The following SBF2 variants were observed in gnomAD, a reference collection of about 807,000 sequenced individuals.
SBF2 encodes myotubularin-related protein 13.
Under a neutral mutation model 225.2 loss-of-function variants are expected in SBF2, and 112 were observed. The observed-to-expected ratio is 0.50, with a 90% CI of 0.43 to 0.58. The LOEUF (loss-of-function observed/expected upper bound fraction) is 0.58, where lower values mean the gene tolerates loss of function less well. Ranked by LOEUF, SBF2 falls within the 20% of genes least tolerant of loss-of-function variation. SBF2 has a pLI of 0.00. For missense variants in SBF2, 1,996 were observed against 2,206.2 expected, an observed-to-expected ratio of 0.90 and a Z score of 1.91; for synonymous variants, 763 against 773.3, an observed-to-expected ratio of 0.99 and a Z score of 0.22.
intron 1 of SBF2, among the ~76,000 whole-genome samples, chr11:10,264,537 T>C (rs1961756619): frequency 6.6e-6 from 1 of 152,144 alleles, no homozygotes; most frequent in African/African-American, 2.4e-5. Context: ...ACAAAAAAAA[T>C]GAGCAGAAAA....
intron 12 of SBF2, among the ~76,000 whole-genome samples, chr11:9,991,684 C>T (rs1333215388): frequency 2.0e-5 from 3 of 152,112 alleles, no homozygotes; most frequent in African/African-American, 7.2e-5. Context: ...AAAAAGAGCA[C>T]AATAAATGCA....
In SBF2 at chr11:9,858,254, T is replaced by G; in HGVS notation, c.2072A>C (p.Asp691Ala). 6.2e-7 allele frequency: 1 copy of G among 1,614,210 alleles called. No individual in the cohort carries two copies. The highest frequency in any genetic ancestry group is 8.5e-7 in the Non-Finnish European group (1 of 1,180,028). Residue 691 changes from aspartate (D) to alanine (A), a missense_variant, in exon 18 of 40, where the codon GAC (aspartate) becomes GCC (alanine). By Grantham distance (126) the Asp-to-Ala change is moderately radical (BLOSUM62 -2). Coordinates refer to ENST00000256190, the MANE Select transcript of SBF2 (RefSeq NM_030962.4). ...TTGCTTCAGATGCGGGGCATGATTG[T>G]CTTCCTTGGCTGAGAGATAAAGGGA... ...VRSLYLSAKE[D>A]NHAPHLKQKD...
intron 32 of SBF2, among the ~76,000 whole-genome samples, chr11:9,805,378 T>C: frequency 6.6e-6 from 1 of 152,190 alleles, no homozygotes; most frequent in Non-Finnish European, 1.5e-5. Flanking sequence ...CTTTTTACTG[T>C]TGAGTAGTCG....
chr11:10,015,145 A>G (rs892223371), intron 6 of SBF2, among the ~76,000 whole-genome samples: 1 of 152,112 alleles, frequency 6.6e-6, no homozygotes, highest in Non-Finnish European at 1.5e-5. Flanking sequence ...CTCAATAATA[A>G]TAATAATAAA....
chr11:9,967,959 CTCTCTCTCTCTCTATA>C (rs1404569055), intron 14 of SBF2, among the ~76,000 whole-genome samples: 1,674 of 111,740 alleles, frequency 0.015, 19 homozygotes, highest in African/African-American at 0.038. Flanking sequence ...CTCTCTCTCT[CTCTCTCTCTCTCTATA>C]TATATATATA....
intron 1 of SBF2, among the ~76,000 whole-genome samples, chr11:10,261,715 A>C (rs1037839754): frequency 4.6e-5 from 7 of 152,228 alleles, no homozygotes; most frequent in Non-Finnish European, 1.0e-4. Flanking sequence ...CAAACACTGG[A>C]AACAGTCCGG....
chr11:10,240,087 T>G (rs1565390915), intron 1 of SBF2, among the ~76,000 whole-genome samples: 1 of 152,084 alleles, frequency 6.6e-6, no homozygotes, highest in African/African-American at 2.4e-5. Flanking sequence ...AGAAGAAAGA[T>G]TCTGCAATGT....
intron 2 of SBF2, among the ~76,000 whole-genome samples, chr11:10,173,715 G>T (rs1956324944): frequency 6.6e-6 from 1 of 151,670 alleles, no homozygotes; most frequent in Non-Finnish European, 1.5e-5. Flanking sequence ...GCAGGGCACA[G>T]ACAAACAAAA....
chr11:10,168,122 C>T (rs1236544012), intron 2 of SBF2, among the ~76,000 whole-genome samples: 2 of 152,162 alleles, frequency 1.3e-5, no homozygotes, highest in African/African-American at 4.8e-5. Context: ...AATTTACTAA[C>T]ATTATGGTTA....
chr11:9,931,078 C>T (rs549768792), intron 16 of SBF2, among the ~76,000 whole-genome samples: 4 of 152,248 alleles, frequency 2.6e-5, no homozygotes, highest in African/African-American at 2.4e-5. Flanking sequence ...CTGCAGCTTG[C>T]GTAGGTAAAC....
upstream of SBF2, among the ~76,000 whole-genome samples, chr11:10,296,653 G>C (rs1964552500): frequency 6.6e-6 from 1 of 152,080 alleles, no homozygotes; most frequent in African/African-American, 2.4e-5. Context: ...CATATGGGTT[G>C]TTTCCACCTT....
At chr11:9,859,917 C>G (rs1271615624) in intron 17 of SBF2, among the ~76,000 whole-genome samples, 2 of 152,198 alleles carry the variant, frequency 1.3e-5, no homozygotes, top group African/African-American at 4.8e-5. Context: ...AGGTAACTGG[C>G]TATAACCTCA....
intron 2 of SBF2, among the ~76,000 whole-genome samples, chr11:10,184,420 T>A (rs1162661060): frequency 6.6e-6 from 1 of 152,188 alleles, no homozygotes; most frequent in Non-Finnish European, 1.5e-5. Flanking sequence ...TTTCAGTACA[T>A]AAAGCTTTAT....
At chr11:9,849,968 C>T (rs1261192243) in intron 22 of SBF2, 55 bp downstream of exon 22, 38 of 1,500,816 alleles carry the variant, frequency 2.5e-5, no homozygotes, top group African/African-American at 1.2e-4. Flanking sequence ...CAGATGGGAT[C>T]GAGACCTCAT....
chr11:10,218,403 G>C (rs1312927646), intron 1 of SBF2, among the ~76,000 whole-genome samples: 1 of 132,074 alleles, frequency 7.6e-6, no homozygotes, highest in Non-Finnish European at 1.5e-5. Context: ...TAAAATTCAA[G>C]CTAAGATTTG....
In SBF2 at chr11:9,885,288, C is replaced by CA. The variant is rs1270242107; in HGVS notation, c.1929+10654dup. ...AAAAAAAAAAAAAACCCCACCCCCC[C>CA]AAAAAAAACCCAGTGTAATTACTTC... On this transcript the variant is annotated intron_variant, in intron 17 of 39. Coordinates refer to ENST00000256190, the MANE Select transcript of SBF2 (RefSeq NM_030962.4). Among the ~76,000 whole-genome samples the CA allele has an allele frequency of 1.1e-3, 157 of 147,284 alleles. 1 individual carries two copies. Among genetic ancestry groups the CA allele is most frequent in the African/African-American group, 3.5e-3 (141 of 40,268 alleles).
chr11:10,252,638 G>A (rs1295243824), intron 1 of SBF2, among the ~76,000 whole-genome samples: 8 of 152,038 alleles, frequency 5.3e-5, no homozygotes, highest in African/African-American at 1.2e-4. Flanking sequence ...GTGAAACCCC[G>A]TTTCTACTAA....
At chr11:10,280,511 A>G (rs781644077) in intron 1 of SBF2, among the ~76,000 whole-genome samples, 1 of 152,194 alleles carries the variant, frequency 6.6e-6, no homozygotes, top group Non-Finnish European at 1.5e-5. Context: ...ACTGAGAGCA[A>G]TAATAAGCCA....
intron 16 of SBF2, chr11:9,958,860 T>C: frequency 3.1e-6 from 2 of 655,316 alleles, no homozygotes; most frequent in Non-Finnish European, 5.8e-6. Flanking sequence ...TAACCCTTCT[T>C]CTCCTGGCCA....
Sources: allele counts gnomAD v4.1 joint callset (sites outside exome capture counted in the v4.1 genomes callset), GRCh38; gene constraint gnomAD v4.1.1; transcripts MANE v1.5; gene names NCBI Gene and HGNC (gene_info 2026-07-23, HGNC 2026-07-21).